ARHGAP15: variants seen among roughly 807,000 people sequenced by gnomAD.
ARHGAP15 encodes rho GTPase-activating protein 15.
In ARHGAP15, 51 loss-of-function variants were observed where a neutral mutation model predicts 63.7. The ratio of observed to expected loss-of-function variants is 0.80; its 90% confidence interval spans 0.64 to 1.01. The LOEUF (loss-of-function observed/expected upper bound fraction) is 1.01, where lower values mean the gene tolerates loss of function less well. ARHGAP15 is among the 50% of genes least tolerant of loss of function. The probability of loss-of-function intolerance (pLI) is 0.00; values close to 1 mark genes in which losing one functional copy is unlikely to be tolerated. For synonymous variants in ARHGAP15, 191 were observed against 193.8 expected (o/e 0.99, Z 0.12); for missense variants, 560 against 564.6 (o/e 0.99, Z 0.08).
At chr2:143,642,487 C>T (rs756796452) in intron 12 of ARHGAP15, among the ~76,000 whole-genome samples, 3 of 152,116 alleles carry the variant, frequency 2.0e-5, no homozygotes, top group Non-Finnish European at 4.4e-5. Flanking sequence ...GCGGCAGTCA[C>T]ATTTGGGAAC....
chr2:143,252,586 A>G (rs1164768427), intron 6 of ARHGAP15, among the ~76,000 whole-genome samples: 5 of 151,984 alleles, frequency 3.3e-5, no homozygotes, highest in Non-Finnish European at 7.4e-5. Flanking sequence ...TCATAAGGAT[A>G]TTGTGAATAA....
chr2:143,177,817 T>C (rs995309473), intron 2 of ARHGAP15, among the ~76,000 whole-genome samples: 2 of 152,198 alleles, frequency 1.3e-5, no homozygotes, highest in Non-Finnish European at 2.9e-5. Context: ...TAAAGACATT[T>C]GCAAAAACAC....
chr2:143,136,246 A>G (rs1689134051), intron 1 of ARHGAP15, among the ~76,000 whole-genome samples: 2 of 151,812 alleles, frequency 1.3e-5, no homozygotes, highest in Admixed American at 6.6e-5. Context: ...ACTTTTCATT[A>G]TACTGTTCAC....
chr2:143,346,393 G>A (rs1224938604), intron 6 of ARHGAP15, among the ~76,000 whole-genome samples: 1 of 151,850 alleles, frequency 6.6e-6, no homozygotes, highest in African/African-American at 2.4e-5. Context: ...CATGAGTCAC[G>A]GTGTTTCCCA....
At chr2:143,314,166 AC>A (rs1427018426) in intron 6 of ARHGAP15, among the ~76,000 whole-genome samples, 2 of 152,074 alleles carry the variant, frequency 1.3e-5, no homozygotes, top group Non-Finnish European at 2.9e-5. Context: ...TCCCTCCTAC[AC>A]CCACACCTGA....
chr2:143,463,300 G>A (rs1203293511), intron 8 of ARHGAP15, among the ~76,000 whole-genome samples: 1 of 152,026 alleles, frequency 6.6e-6, no homozygotes, highest in Non-Finnish European at 1.5e-5. Flanking sequence ...CCAGCACTTT[G>A]GGAGGCCAAG....
intron 11 of ARHGAP15, among the ~76,000 whole-genome samples, chr2:143,560,150 C>A (rs1695962148): frequency 6.6e-6 from 1 of 152,180 alleles, no homozygotes; most frequent in East Asian, 1.9e-4. Context: ...ATTTGACTTA[C>A]TAAATCAGTG....
At chr2:143,751,523 G>A (rs1286558697) in intron 13 of ARHGAP15, among the ~76,000 whole-genome samples, 1 of 152,146 alleles carries the variant, frequency 6.6e-6, no homozygotes, top group Non-Finnish European at 1.5e-5. Context: ...AGGGAGAGAG[G>A]AGATCTTTGA....
At chr2:143,486,506 G>A (rs1265636762) in intron 8 of ARHGAP15, among the ~76,000 whole-genome samples, 3 of 151,918 alleles carry the variant, frequency 2.0e-5, no homozygotes, top group African/African-American at 7.3e-5. Context: ...GGTTGAGGCT[G>A]CAGTGAGCTA....
chr2:143,298,299 C>T, intron 6 of ARHGAP15, among the ~76,000 whole-genome samples: 1 of 151,932 alleles, frequency 6.6e-6, no homozygotes, highest in East Asian at 1.9e-4. Flanking sequence ...GTTAGGATTA[C>T]ACCTCAAATT....
chr2:143,429,152 T>C (rs1689270544), intron 6 of ARHGAP15, among the ~76,000 whole-genome samples: 1 of 151,828 alleles, frequency 6.6e-6, no homozygotes, highest in African/African-American at 2.4e-5. Flanking sequence ...TATTCTTTCA[T>C]GAATATTGAG....
chr2:143,523,908 G>C (rs974259093), intron 10 of ARHGAP15, among the ~76,000 whole-genome samples: 39 of 152,072 alleles, frequency 2.6e-4, no homozygotes, highest in African/African-American at 9.4e-4. Flanking sequence ...ATATGCTTTT[G>C]ACCACAATTT....
chr2:143,153,864 CTCCTCCTCT>C (rs1364191597), intron 1 of ARHGAP15, among the ~76,000 whole-genome samples: 4 of 82,244 alleles, frequency 4.9e-5, no homozygotes, highest in African/African-American at 6.8e-5. Context: ...CCTCCTCCTC[CTCCTCCTCT>C]TCCTCCTCCT....
intron 6 of ARHGAP15, among the ~76,000 whole-genome samples, chr2:143,308,785 T>C (rs1683298151): frequency 6.6e-6 from 1 of 151,870 alleles, no homozygotes; most frequent in African/African-American, 2.4e-5. Flanking sequence ...AAACAGAAGC[T>C]GATTCTACTT....
chr2:143,337,076 A>AG (rs1006520365), intron 6 of ARHGAP15, among the ~76,000 whole-genome samples: 1 of 151,990 alleles, frequency 6.6e-6, no homozygotes, highest in Non-Finnish European at 1.5e-5. Context: ...AGGAGGACAG[A>AG]GGGAGGGAGT....
chr2:143,646,425 G>A (rs1450233384), intron 12 of ARHGAP15, among the ~76,000 whole-genome samples: 1 of 152,014 alleles, frequency 6.6e-6, no homozygotes, highest in Non-Finnish European at 1.5e-5. Flanking sequence ...CTTACAGACT[G>A]TCTGACGCCT....
rs866165580 is a variant in ARHGAP15, at chr2:143,470,852, A to T, written c.704-16521A>T. On this transcript the variant is annotated intron_variant, in intron 8 of 13. Coordinates refer to ENST00000295095, the MANE Select transcript of ARHGAP15 (RefSeq NM_018460.4). ...TTCGCATATATATATATACACACAC[A>T]CGTATATTTATGTGTGTGTGTATAT... Among the ~76,000 whole-genome samples, 46 of 150,104 alleles carry T rather than the reference A, an allele frequency of 3.1e-4. 1 individual carries two copies. The Middle Eastern group carries it at 0.011, about 35-fold the overall frequency.
At chr2:143,276,750 A>G (rs1050677794) in intron 6 of ARHGAP15, among the ~76,000 whole-genome samples, 1 of 152,192 alleles carries the variant, frequency 6.6e-6, no homozygotes, top group Admixed American at 6.5e-5. Flanking sequence ...AGTGAGCAGC[A>G]GTGGCACCAC....
At chr2:143,449,309 T>C (rs1558979344) in intron 8 of ARHGAP15, among the ~76,000 whole-genome samples, 1 of 152,098 alleles carries the variant, frequency 6.6e-6, no homozygotes, top group Non-Finnish European at 1.5e-5. Context: ...TATCCATTAA[T>C]TCCCTGGATA....
Sources: allele counts gnomAD v4.1 joint callset (sites outside exome capture counted in the v4.1 genomes callset), GRCh38; gene constraint gnomAD v4.1.1; transcripts MANE v1.5; gene names NCBI Gene and HGNC (gene_info 2026-07-23, HGNC 2026-07-21).